DLG2: variants seen among roughly 807,000 people sequenced by gnomAD.
The protein encoded by DLG2 is discs large MAGUK scaffold protein 2.
In DLG2, 45 loss-of-function variants were observed where a neutral mutation model predicts 132.5. The observed-to-expected ratio is 0.34, with a 90% CI of 0.27 to 0.44. The LOEUF (loss-of-function observed/expected upper bound fraction) is 0.44, where lower values mean the gene tolerates loss of function less well. DLG2 is among the 20% of genes least tolerant of loss of function. The pLI is 1.00. For missense variants in DLG2, 1,045 were observed against 1,196.9 expected, an observed-to-expected ratio of 0.87 and a Z score of 1.87; for synonymous variants, 424 against 419.6, an observed-to-expected ratio of 1.01 and a Z score of -0.13.
rs542821638 is a variant in DLG2 at position 84,123,465 on chromosome 11, T to C, written c.625-24418A>G. ...CCATTAACCCTGGATCCTCTACAGC[T>C]GAACCCTAGAATCAAGGTATAAGGC... On this transcript the variant is annotated intron_variant, in intron 9 of 27. Transcript: ENST00000376104. Among the ~76,000 whole-genome samples, 21 of 152,356 alleles carry C rather than the reference T, an allele frequency of 1.4e-4. No individual in the cohort carries two copies. The East Asian group carries it at 3.9e-3, about 28-fold the overall frequency.
intron 7 of DLG2, among the ~76,000 whole-genome samples, chr11:84,349,164 A>G (rs1353344047): frequency 6.6e-6 from 1 of 152,178 alleles, no homozygotes; most frequent in Non-Finnish European, 1.5e-5. Context: ...TGGCAGGCTA[A>G]GTGCATGATC....
intron 7 of DLG2, among the ~76,000 whole-genome samples, chr11:84,307,695 C>CAAA (rs1222486667): frequency 0.022 from 1,719 of 77,736 alleles, 37 homozygotes; most frequent in Non-Finnish European, 0.032. Flanking sequence ...GACGCAGTCT[C>CAAA]AAAAAAAAAA....
At chr11:85,218,774 C>T (rs2082793297) in intron 4 of DLG2, among the ~76,000 whole-genome samples, 7 of 152,044 alleles carry the variant, frequency 4.6e-5, no homozygotes, top group Admixed American at 4.6e-4. Flanking sequence ...TCATATGTTC[C>T]TGGATGCACT....
At chr11:85,337,739 G>A (rs1416956638) in intron 3 of DLG2, among the ~76,000 whole-genome samples, 1 of 151,986 alleles carries the variant, frequency 6.6e-6, no homozygotes, top group Non-Finnish European at 1.5e-5. Flanking sequence ...AATATCTTTC[G>A]TCTACCATTT....
rs184636387 is a variant in DLG2, at chr11:84,832,714, T to A, written c.357+278947A>T. ...AGTACTTGACTGTATTACTTATTTA[T>A]GTTATTTACCGACCTAAGATTGAAA... On this transcript the variant is annotated intron_variant, in intron 6 of 27. Coordinates refer to ENST00000376104, the MANE Select transcript of DLG2 (RefSeq NM_001142699.3). Among the ~76,000 whole-genome samples, 787 of 151,788 alleles carry A rather than the reference T, an allele frequency of 5.2e-3. 4 individuals are homozygous for A. Among genetic ancestry groups the A allele is most frequent in the Non-Finnish European group, 8.3e-3 (563 of 67,754 alleles).
intron 8 of DLG2, among the ~76,000 whole-genome samples, chr11:84,211,362 G>T (rs1039851785): frequency 3.9e-5 from 6 of 152,152 alleles, no homozygotes; most frequent in Non-Finnish European, 8.8e-5. Context: ...CTCAGATTGA[G>T]ACCAGTGCCA....
At chr11:84,798,545 C>G (rs1014872690) in intron 6 of DLG2, among the ~76,000 whole-genome samples, 9 of 152,176 alleles carry the variant, frequency 5.9e-5, no homozygotes, top group Admixed American at 3.9e-4. Flanking sequence ...AGGATGCTGT[C>G]AGATCTGAGA....
chr11:85,541,398 T>C (rs2075961965), intron 3 of DLG2, among the ~76,000 whole-genome samples: 1 of 151,846 alleles, frequency 6.6e-6, no homozygotes, highest in Non-Finnish European at 1.5e-5. Flanking sequence ...TCCAATTTAC[T>C]AACTTTACAG....
chr11:84,754,856 C>G (rs1027307705), intron 6 of DLG2, among the ~76,000 whole-genome samples: 1 of 152,042 alleles, frequency 6.6e-6, no homozygotes, highest in South Asian at 2.1e-4. Flanking sequence ...TGGGGAATGT[C>G]GTTAGTATAG....
At chr11:83,981,272 T>A (rs2092753140) in intron 11 of DLG2, among the ~76,000 whole-genome samples, 1 of 152,176 alleles carries the variant, frequency 6.6e-6, no homozygotes, top group Non-Finnish European at 1.5e-5. Flanking sequence ...CACCTTGTCA[T>A]ATTTTATATT....
intron 6 of DLG2, among the ~76,000 whole-genome samples, chr11:85,003,641 C>A (rs2058396932): frequency 1.3e-5 from 2 of 152,052 alleles, no homozygotes; most frequent in African/African-American, 2.4e-5. Flanking sequence ...AAAAATGAGA[C>A]CTTCTTTTGT....
chr11:84,225,437 T>C (rs1353613852), intron 8 of DLG2, among the ~76,000 whole-genome samples: 3 of 152,188 alleles, frequency 2.0e-5, no homozygotes, highest in Non-Finnish European at 4.4e-5. Context: ...AGACAGTTGT[T>C]CCCAAAACCA....
chr11:83,490,006 A>G (rs1298444371), intron 21 of DLG2, among the ~76,000 whole-genome samples: 1 of 152,034 alleles, frequency 6.6e-6, no homozygotes, highest in Non-Finnish European at 1.5e-5. Context: ...TCTATCCATT[A>G]AAGGAGCTTA....
chr11:84,531,667 A>C (rs1050884498), intron 7 of DLG2, among the ~76,000 whole-genome samples: 2 of 152,092 alleles, frequency 1.3e-5, no homozygotes, highest in Admixed American at 1.3e-4. Flanking sequence ...ATACCACAGA[A>C]CTGGTGGTTC....
intron 6 of DLG2, among the ~76,000 whole-genome samples, chr11:84,746,360 T>G (rs896432032): frequency 2.0e-5 from 3 of 152,042 alleles, no homozygotes; most frequent in African/African-American, 7.2e-5. Flanking sequence ...TGACAATTAA[T>G]ATGCTGTATT....
chr11:84,025,307 C>A (rs1295791505), intron 11 of DLG2, among the ~76,000 whole-genome samples: 1 of 152,182 alleles, frequency 6.6e-6, no homozygotes, highest in East Asian at 1.9e-4. Context: ...TTCAGGGAAA[C>A]TCCCCCTTGT....
At chr11:85,238,965 T>C (rs1287422394) in intron 4 of DLG2, among the ~76,000 whole-genome samples, 1 of 152,084 alleles carries the variant, frequency 6.6e-6, no homozygotes. Flanking sequence ...GTCATGACTT[T>C]TCTCTGCTTC....
chr11:85,104,872 C>CA (rs56043190), intron 6 of DLG2, among the ~76,000 whole-genome samples: 730 of 56,046 alleles, frequency 0.013, 92 homozygotes, highest in African/African-American at 0.019. Context: ...GGCTGAATGG[C>CA]AAAAAAAAAA....
intron 6 of DLG2, among the ~76,000 whole-genome samples, chr11:84,548,516 G>A (rs1394991362): frequency 6.6e-6 from 1 of 150,444 alleles, no homozygotes; most frequent in African/African-American, 2.5e-5. Flanking sequence ...CCACCTATGA[G>A]TAAGAACATG....
Sources: allele counts gnomAD v4.1 joint callset (sites outside exome capture counted in the v4.1 genomes callset), GRCh38; gene constraint gnomAD v4.1.1; transcripts MANE v1.5; gene names NCBI Gene and HGNC (gene_info 2026-07-23, HGNC 2026-07-21).